Variants in RFC1 observed in about 807,000 individuals in gnomAD.
RFC1 encodes the protein A1 140 kDa subunit.
A neutral mutation model predicts 137.4 loss-of-function variants in RFC1; 37 were observed. That is an observed-to-expected ratio of 0.27 (90% CI 0.21 to 0.35). RFC1 has a LOEUF of 0.35. Among genes scored for constraint, RFC1 ranks in the 10% least tolerant of loss-of-function variants. RFC1 has a pLI of 1.00. For missense variants in RFC1, 1,205 were observed against 1,358.5 expected (o/e 0.89, Z 1.78); for synonymous variants, 429 against 455.7 (o/e 0.94, Z 0.75).
At chr4:39,352,778 G>A (rs1011088526) in intron 1 of RFC1, among the ~76,000 whole-genome samples, 10 of 152,100 alleles carry the variant, frequency 6.6e-5, no homozygotes, top group African/African-American at 2.4e-4. Context: ...AAAATAATGA[G>A]AATGTAGGAT....
intron 2 of RFC1, among the ~76,000 whole-genome samples, chr4:39,349,193 A>G (rs1741061084): frequency 1.3e-5 from 2 of 152,174 alleles, no homozygotes; most frequent in Non-Finnish European, 2.9e-5. Flanking sequence ...GGGGGCTGTT[A>G]TGATGGAATG....
At chr4:39,331,183 GTA>G (rs1298364773) in intron 4 of RFC1, among the ~76,000 whole-genome samples, 1 of 152,058 alleles carries the variant, frequency 6.6e-6, no homozygotes. Flanking sequence ...GCTATACCCA[GTA>G]TATGTTAAAT....
At chr4:39,335,337 T>C (rs937596301) in intron 4 of RFC1, among the ~76,000 whole-genome samples, 4 of 152,182 alleles carry the variant, frequency 2.6e-5, no homozygotes, top group African/African-American at 7.2e-5. Flanking sequence ...AAACTAAACA[T>C]AGCACTTTTG....
intron 13 of RFC1, chr4:39,307,487 C>T (rs572298491): frequency 1.3e-5 from 2 of 152,652 alleles, no homozygotes; most frequent in African/African-American, 2.4e-5. Context: ...GAGGCCAAGG[C>T]GGGTAGAGCA....
intron 21 of RFC1, 114 bp downstream of exon 21, chr4:39,299,907 T>A (rs942295360): frequency 1.5e-6 from 1 of 686,126 alleles, no homozygotes; most frequent in Admixed American, 2.5e-5. Flanking sequence ...AGAGCGAGAC[T>A]CGATCTCAAA....
intron 22 of RFC1, among the ~76,000 whole-genome samples, chr4:39,292,790 C>T (rs1050841206): frequency 6.6e-6 from 1 of 151,482 alleles, no homozygotes; most frequent in Admixed American, 6.6e-5. Context: ...TACAGGCACC[C>T]GCCACCACAC....
chr4:39,348,447 A>AGG, intron 2 of RFC1, among the ~76,000 whole-genome samples: 1 of 129,946 alleles, frequency 7.7e-6, no homozygotes, highest in South Asian at 2.6e-4. Context: ...AAGAAAAGAA[A>AGG]AGAAAAGAAA....
chr4:39,306,135 GTGC>G (rs1738638128), intron 14 of RFC1, among the ~76,000 whole-genome samples: 1 of 152,196 alleles, frequency 6.6e-6, no homozygotes, highest in Non-Finnish European at 1.5e-5. Context: ...GGATCACACA[GTGC>G]TGAAGAGCAG....
chr4:39,294,632 T>C (rs1737874518), intron 22 of RFC1, among the ~76,000 whole-genome samples: 1 of 149,490 alleles, frequency 6.7e-6, no homozygotes, highest in South Asian at 2.1e-4. Flanking sequence ...ATCACACCAC[T>C]GCACTCCAGC....
Position 39,291,831 on chromosome 4 carries a change from A to G in RFC1, c.2976T>C (p.Thr992=), listed in dbSNP as rs753813987. ...GAAGCGACAGATAATCCATGTTTAC[A>G]GTCCTTTTGCTGGAGTAAGTTCTGA... The part of the protein sequence containing the change: ...MSLRTYSSKR[T]VNMDYLSLLR... Residue 992 remains threonine, a synonymous_variant, in exon 23 of 25, where the codon ACT becomes ACC. Coordinates refer to ENST00000349703, the MANE Select transcript of RFC1 (RefSeq NM_002913.5). 6 of 1,613,990 alleles carry G rather than the reference A, an allele frequency of 3.7e-6. No individual in the cohort carries two copies. In the East Asian group the frequency reaches 8.9e-5, roughly 24 times the overall value.
intron 22 of RFC1, among the ~76,000 whole-genome samples, chr4:39,293,146 A>G (rs1215275783): frequency 1.3e-5 from 2 of 151,774 alleles, no homozygotes; most frequent in East Asian, 3.9e-4. Context: ...AGTTTTTAAA[A>G]CTCTCCTAGT....
rs775059245 is a variant in RFC1 at position 39,302,553 on chromosome 4, G to A, written c.2383C>T (p.Pro795Ser). Residue 795 changes from proline (P) to serine (S), a missense_variant, in exon 18 of 25, where the codon CCC (proline) becomes TCC (serine). Transcript: ENST00000349703. ...ATTATTTCATTCATAGCTGGAGGGG[G>A]AATCTTTAAACCTTCTTTAAATGCA... ...SIAFKEGLKI[P>S]PPAMNEIILG... is the part of the protein sequence containing the mutation. The A allele has an allele frequency of 7.4e-6, 12 of 1,611,674 alleles. No homozygotes were observed. The highest frequency in any genetic ancestry group is 8.5e-7 in the Non-Finnish European group (1 of 1,178,360).
rs765456455 is a variant in RFC1 at position 39,327,561 on chromosome 4, C to T, written c.527G>A (p.Arg176Lys). 6.2e-7 allele frequency: 1 copy of T among 1,613,152 alleles called. No homozygotes were observed. Among genetic ancestry groups the T allele is most frequent in the Non-Finnish European group, 8.5e-7 (1 of 1,179,686 alleles). Residue 176 changes from arginine to lysine, a missense_variant, in exon 5 of 25, where the codon AGA (arginine) becomes AAA (lysine). By Grantham distance (26) the Arg-to-Lys change is conservative (BLOSUM62 2). Around this residue, in one of 3 missense-constraint regions of RFC1, gnomAD observed 962 missense variants for 1,035.3 expected, o/e 0.93. Transcript: ENST00000349703. ...GCTTGCCACCATCTTCTTATTAGAT[C>T]TTTGGACACTTCCAGTTCCAAAATA... ...LDYFGTGSVQ[R>K]SNKKMVASKR...
chr4:39,365,262 A>T lies in RFC1; in HGVS notation c.3+977T>A, dbSNP rs151115210. Among the ~76,000 whole-genome samples the T allele has an allele frequency of 7.3e-5, 11 of 150,026 alleles. No homozygotes were observed. The East Asian group carries it at 2.2e-3, about 29-fold the overall frequency. On this transcript the variant is annotated intron_variant, in intron 1 of 24. Coordinates refer to ENST00000349703, the MANE Select transcript of RFC1 (RefSeq NM_002913.5). ...CTATCATTACTGTTGCCCTTTTTTG[A>T]GAAGAAACACAAAGGCCTGCAACGT...
At position 39,291,706 on chromosome 4, in the gene RFC1, A is replaced by C; in HGVS notation, c.3101T>G (p.Phe1034Cys). 6.2e-7 allele frequency: 1 copy of C among 1,614,136 alleles called. No homozygotes were observed. The highest frequency in any genetic ancestry group is 8.5e-7 in the Non-Finnish European group (1 of 1,180,002). Residue 1034 changes from phenylalanine to cysteine, a missense_variant, in exon 23 of 25, where the codon TTT (phenylalanine) becomes TGT (cysteine). This residue lies in a region of RFC1 where 237 missense variants were observed against 304.2 expected (regional missense o/e 0.78). Coordinates refer to ENST00000349703, the MANE Select transcript of RFC1 (RefSeq NM_002913.5). ...MDTYYLMKED[F>C]ENIMEISSWG... ...GCTGCTGATTTCCATGATATTCTCAAAGTCTTCTTTCATCAAATAATATGT... is the reference window on the plus strand; with the variant it reads ...GCTGCTGATTTCCATGATATTCTCACAGTCTTCTTTCATCAAATAATATGT...
intron 2 of RFC1, among the ~76,000 whole-genome samples, chr4:39,350,608 C>T: frequency 6.6e-6 from 1 of 152,090 alleles, no homozygotes; most frequent in Non-Finnish European, 1.5e-5. Context: ...TTTTAAAAAA[C>T]AGTCAACCCA....
At chr4:39,336,253 A>G (rs1740344130) in intron 4 of RFC1, among the ~76,000 whole-genome samples, 1 of 152,224 alleles carries the variant, frequency 6.6e-6, no homozygotes, top group African/African-American at 2.4e-5. Context: ...CCTTTGAATC[A>G]TCATATAAAA....
Position 39,290,139 on chromosome 4 carries a change from G to A in RFC1, c.3169-100C>T. 3.9e-6 allele frequency: 3 copies of A among 769,724 alleles called. No individual in the cohort carries two copies. In the South Asian group the frequency reaches 5.6e-5, roughly 14 times the overall value. The allele number at this position is 769,724 out of a possible 1,614,324, so 47.7% of individuals were successfully genotyped here. ...GAGACCCTGGGAGCCCCCTGCAACT[G>A]TTTGCAAAGTATTTATGTATATACA... On this transcript the variant is annotated intron_variant, in intron 23 of 24. Coordinates refer to ENST00000349703, the MANE Select transcript of RFC1 (RefSeq NM_002913.5).
Position 39,345,496 on chromosome 4 carries a change from A to T in RFC1, c.133-20T>A. 6.3e-7 allele frequency: 1 copy of T among 1,575,626 alleles called. No individual in the cohort carries two copies. The highest frequency in any genetic ancestry group is 8.7e-7 in the Non-Finnish European group (1 of 1,155,006). ...ATTTACCTATAAACATCACAATATA[A>T]TTAGAACATAAAGAAGCCTATATAA... On this transcript the variant is annotated intron_variant, in intron 2 of 24. Transcript: ENST00000349703.
Sources: gnomAD v4.1 joint callset for allele counts (sites outside exome capture counted in the v4.1 genomes callset) on GRCh38, gnomAD v4.1.1 for gene constraint, gnomAD v4.1.1 regional missense constraint, MANE v1.5 for transcripts, NCBI Gene and HGNC (gene_info 2026-07-23, HGNC 2026-07-21) for gene names.